The following NEMP2 variants were observed in gnomAD, a reference collection of about 807,000 sequenced individuals.
The protein encoded by NEMP2 is nuclear envelope integral membrane protein 2.
NEMP2 carries 53 observed loss-of-function variants against 54.2 expected under a neutral mutation model. The ratio of observed to expected loss-of-function variants is 0.98; its 90% CI spans 0.78 to 1.23. NEMP2 has a LOEUF of 1.23. Ranked by LOEUF, NEMP2 falls within the 50% of genes most tolerant of loss-of-function variation. The pLI is 0.00. For missense variants in NEMP2, 455 were observed against 511.3 expected (o/e 0.89, Z 1.06); for synonymous variants, 197 against 190.3 (o/e 1.04, Z -0.29).
chr2:190,477,163 C>T, the NEMP2 span: 4 of 697,224 alleles, frequency 5.7e-6, no homozygotes, highest in African/African-American at 7.7e-5. Context: ...ATGTAACAAA[C>T]CTGCACGTTG....
At position 190,506,124 on chromosome 2, in the gene NEMP2, A is replaced by G. The variant is rs1690182022; in HGVS notation, c.*3065T>C. ...CTGTACCAACTATATGAATTGACTA[A>G]CAAGAGACAGGTCTTATGGTGCAAT... On this transcript the variant is annotated 3_prime_UTR_variant, in exon 9 of 9. Coordinates refer to ENST00000409150, the MANE Select transcript of NEMP2 (RefSeq NM_001142645.2). The surrounding 1 kb of genome is among the most constrained non-coding windows in gnomAD (Gnocchi z 6.3). 1 of 152,242 alleles carries G rather than the reference A, an allele frequency of 6.6e-6. No individual in the cohort carries two copies. The highest frequency in any genetic ancestry group is 1.5e-5 in the Non-Finnish European group (1 of 68,050). The allele number at this position is 152,242 out of a possible 1,614,324, so 9.4% of individuals were successfully genotyped here.
chr2:190,469,998 G>GA, the NEMP2 span: 2 of 590,134 alleles, frequency 3.4e-6, no homozygotes. The surrounding 1 kb of genome is among the most constrained non-coding windows in gnomAD (Gnocchi z 5.3). Context: ...TTAAGGAAGA[G>GA]ATGACATCAG....
the NEMP2 span, among the ~76,000 whole-genome samples, chr2:190,548,094 A>C: frequency 6.6e-6 from 1 of 152,024 alleles, no homozygotes; most frequent in Non-Finnish European, 1.5e-5. Context: ...GGAAAGAGGG[A>C]GGATGTAGAC....
chr2:190,471,675 T>C, the NEMP2 span, among the ~76,000 whole-genome samples: 4 of 152,178 alleles, frequency 2.6e-5, no homozygotes, highest in Non-Finnish European at 5.9e-5. This position sits in a 1 kb window ranked among gnomAD's most constrained non-coding sequence, Gnocchi z 4.7. Flanking sequence ...GGGCAGAGCA[T>C]AGCCAAACAA....
the NEMP2 span, among the ~76,000 whole-genome samples, chr2:190,431,859 A>G: frequency 3.3e-5 from 5 of 152,200 alleles, no homozygotes; most frequent in Non-Finnish European, 7.4e-5. This position sits in a 1 kb window ranked among gnomAD's most constrained non-coding sequence, Gnocchi z 4.4. Context: ...AGAGCTTTTT[A>G]TTCAAGTATT....
the NEMP2 span, among the ~76,000 whole-genome samples, chr2:190,557,050 GCAT>G: frequency 1.1e-4 from 16 of 152,258 alleles, no homozygotes; most frequent in East Asian, 3.1e-3. Flanking sequence ...AAAGCTGGAG[GCAT>G]CATGCTACCT....
chr2:190,626,798 G>C, the NEMP2 span: 7 of 152,144 alleles, frequency 4.6e-5, no homozygotes, highest in African/African-American at 1.7e-4. This position sits in a 1 kb window ranked among gnomAD's most constrained non-coding sequence, Gnocchi z 4.5. Flanking sequence ...CCATTATTCT[G>C]GGTTTCCCAA....
At chr2:190,484,245 CTGTT>C in the NEMP2 span, among the ~76,000 whole-genome samples, 1 of 152,284 alleles carries the variant, frequency 6.6e-6, no homozygotes, top group East Asian at 1.9e-4. Context: ...TGTATTTTGA[CTGTT>C]TGATCTACCA....
chr2:190,435,392 G>A, the NEMP2 span: 107,329 of 152,128 alleles, frequency 0.71, 38,513 homozygotes, highest in Admixed American at 0.79. Context: ...ACATCTGGAG[G>A]ACTGTACATA....
At chr2:190,451,048 G>A in the NEMP2 span, among the ~76,000 whole-genome samples, 1 of 152,182 alleles carries the variant, frequency 6.6e-6, no homozygotes, top group Non-Finnish European at 1.5e-5. The surrounding 1 kb of genome is among the most constrained non-coding windows in gnomAD (Gnocchi z 5.0). Flanking sequence ...GTCTAGGCTT[G>A]ACTCCAGTCA....
chr2:190,461,017 G>A, the NEMP2 span, among the ~76,000 whole-genome samples: 1 of 152,184 alleles, frequency 6.6e-6, no homozygotes, highest in Non-Finnish European at 1.5e-5. This position sits in a 1 kb window ranked among gnomAD's most constrained non-coding sequence, Gnocchi z 5.5. Context: ...GGAAGAAAAT[G>A]ATTATGGCAA....
chr2:190,582,381 G>A, the NEMP2 span, among the ~76,000 whole-genome samples: 2 of 152,072 alleles, frequency 1.3e-5, no homozygotes, highest in South Asian at 2.1e-4. The surrounding 1 kb of genome is among the most constrained non-coding windows in gnomAD (Gnocchi z 4.6). Flanking sequence ...TAAGAGCGCC[G>A]GGACACATGA....
chr2:190,459,858 A>G, the NEMP2 span, among the ~76,000 whole-genome samples: 1 of 152,258 alleles, frequency 6.6e-6, no homozygotes, highest in Non-Finnish European at 1.5e-5. This position sits in a 1 kb window ranked among gnomAD's most constrained non-coding sequence, Gnocchi z 5.3. Context: ...AGAAGGAAGT[A>G]TTAGTAGCTG....
chr2:190,438,719 C>T, the NEMP2 span, among the ~76,000 whole-genome samples: 11 of 151,914 alleles, frequency 7.2e-5, no homozygotes, highest in Admixed American at 2.0e-4. This position sits in a 1 kb window ranked among gnomAD's most constrained non-coding sequence, Gnocchi z 5.2. Context: ...TAAAAGCAAC[C>T]GTATGTGTTT....
At chr2:190,486,806 G>T in the NEMP2 span, among the ~76,000 whole-genome samples, 1 of 152,194 alleles carries the variant, frequency 6.6e-6, no homozygotes, top group Non-Finnish European at 1.5e-5. Flanking sequence ...TCAGGGGATG[G>T]AACCAGATGA....
At chr2:190,620,723 C>G in the NEMP2 span, among the ~76,000 whole-genome samples, 1 of 152,154 alleles carries the variant, frequency 6.6e-6, no homozygotes, top group South Asian at 2.1e-4. The surrounding 1 kb of genome is among the most constrained non-coding windows in gnomAD (Gnocchi z 4.9). Context: ...AAGGCCCACT[C>G]TTGTTACTTT....
chr2:190,449,436 T>A, the NEMP2 span, among the ~76,000 whole-genome samples: 5 of 151,880 alleles, frequency 3.3e-5, no homozygotes, highest in African/African-American at 1.2e-4. Context: ...ATGGCACCAC[T>A]GCACACCCGC....
intron 1 of NEMP2, among the ~76,000 whole-genome samples, chr2:190,532,591 T>C (rs992322899): frequency 4.6e-5 from 7 of 152,170 alleles, no homozygotes; most frequent in African/African-American, 1.7e-4. Flanking sequence ...TTCCTCCAAA[T>C]AGAGTGACAG....
At chr2:190,473,660 C>G in the NEMP2 span, among the ~76,000 whole-genome samples, 2 of 152,302 alleles carry the variant, frequency 1.3e-5, no homozygotes, top group East Asian at 3.9e-4. Flanking sequence ...TTAGACAGAT[C>G]AACGAGACAG....
Sources: gnomAD v4.1 joint callset for allele counts (sites outside exome capture counted in the v4.1 genomes callset) on GRCh38, gnomAD v4.1.1 for gene constraint, Gnocchi (gnomAD v3.1) non-coding constraint, MANE v1.5 for transcripts, NCBI Gene and HGNC (gene_info 2026-07-23, HGNC 2026-07-21) for gene names.